The following DCAF6 variants were observed in gnomAD, a reference collection of about 807,000 sequenced individuals.
DCAF6 encodes DDB1 and CUL4 associated factor 6.
DCAF6 carries 54 observed loss-of-function variants against 125.1 expected under a neutral mutation model. The observed-to-expected ratio is 0.43, with a 90% CI of 0.35 to 0.54. The LOEUF is 0.54. Ranked by LOEUF, DCAF6 falls within the 20% of genes least tolerant of loss-of-function variation. The probability of loss-of-function intolerance (pLI) is 0.01; values close to 1 mark genes in which losing one functional copy is unlikely to be tolerated. For synonymous variants in DCAF6, 371 were observed against 390.4 expected, an observed-to-expected ratio of 0.95 and a Z score of 0.58; for missense variants, 934 against 1,161.7, an observed-to-expected ratio of 0.80 and a Z score of 2.85.
chr1:167,988,973 G>A (rs1430393615), intron 5 of DCAF6, among the ~76,000 whole-genome samples: 3 of 151,906 alleles, frequency 2.0e-5, no homozygotes, highest in African/African-American at 7.3e-5. Context: ...CCAGCTACTC[G>A]GGAGGCTGAG....
chr1:167,944,475 TTGTC>T (rs1571588994), intron 1 of DCAF6, among the ~76,000 whole-genome samples: 1 of 152,338 alleles, frequency 6.6e-6, no homozygotes, highest in South Asian at 2.1e-4. Context: ...ATAACCAACA[TTGTC>T]TGTCTTTTTA....
intron 4 of DCAF6, among the ~76,000 whole-genome samples, 155 bp from the exon 5 acceptor site, chr1:167,987,340 C>T (rs1680152231): frequency 6.6e-6 from 1 of 152,050 alleles, no homozygotes; most frequent in Non-Finnish European, 1.5e-5. Flanking sequence ...TGTATTGTAC[C>T]ATTCTGAATC....
At chr1:167,919,941 T>G in the DCAF6 span, 1 of 1,509,322 alleles carries the variant, frequency 6.6e-7, no homozygotes, top group Non-Finnish European at 9.0e-7. Flanking sequence ...TCTAAGTAGC[T>G]TTTGCAACAG....
the DCAF6 span, among the ~76,000 whole-genome samples, chr1:167,887,894 C>T: frequency 6.6e-6 from 1 of 151,868 alleles, no homozygotes; most frequent in South Asian, 2.1e-4. Flanking sequence ...AGAGTCTCCC[C>T]AATGTTTTCT....
chr1:168,061,750 T>C (rs1281129166), intron 17 of DCAF6, among the ~76,000 whole-genome samples: 2 of 152,162 alleles, frequency 1.3e-5, no homozygotes, highest in Admixed American at 1.3e-4. Flanking sequence ...ATTACTTAAT[T>C]TCTCTTCAAA....
the DCAF6 span, chr1:167,893,889 G>A: frequency 6.2e-7 from 1 of 1,613,518 alleles, no homozygotes; most frequent in Non-Finnish European, 8.5e-7. Flanking sequence ...ACTTTTGTAG[G>A]GACATCTCCA....
rs537224842 is a variant in DCAF6 at position 167,936,858 on chromosome 1, C to T, written c.-54C>T. On this transcript the variant is annotated 5_prime_UTR_variant, in exon 1 of 22. Coordinates refer to ENST00000367840, the MANE Select transcript of DCAF6 (RefSeq NM_001198956.2). ...GTGTTGAAACGGGTGTCCCCTCCCCCTCCTCCCCTCCCCCACGCGGTGGTC... is the reference window on the plus strand; with the variant it reads ...GTGTTGAAACGGGTGTCCCCTCCCCTTCCTCCCCTCCCCCACGCGGTGGTC... 269 of 1,428,748 alleles carry T rather than the reference C, an allele frequency of 1.9e-4. No homozygotes were observed. The highest frequency in any genetic ancestry group is 5.6e-5 in the Non-Finnish European group (58 of 1,038,596). 88.5% of individuals were successfully genotyped at this position (1,428,748 alleles called of 1,614,324 possible).
At chr1:168,053,443 T>G (rs931050326) in intron 17 of DCAF6, among the ~76,000 whole-genome samples, 3 of 152,180 alleles carry the variant, frequency 2.0e-5, no homozygotes, top group Non-Finnish European at 4.4e-5. Context: ...AATTACTGTT[T>G]CAGGGGTCCC....
intron 2 of DCAF6, among the ~76,000 whole-genome samples, chr1:167,956,064 C>T (rs1208385590): frequency 6.6e-6 from 1 of 152,190 alleles, no homozygotes; most frequent in Non-Finnish European, 1.5e-5. Flanking sequence ...CTGTGCTTAG[C>T]TAAGAACATT....
Position 168,003,977 on chromosome 1 carries a change from T to G in DCAF6, c.1105T>G (p.Ser369Ala), listed in dbSNP as rs759114970. 6.2e-7 allele frequency: 1 copy of G among 1,612,050 alleles called. No individual in the cohort carries two copies. Among genetic ancestry groups the G allele is most frequent in the East Asian group, 2.2e-5 (1 of 44,802 alleles). ...ACAAAGCAATAGAGGACGAGGAAGA[T>G]CTCGACCCAGAGGTAATTTTTAATG... The part of the protein sequence containing the change: ...VAQSNRGRGR[S>A]RPRGGTSQSD... The change falls in exon 9 of 22, where the codon TCT (serine) becomes GCT (alanine). Residue 369 changes from serine (S) to alanine (A), a missense_variant. By Grantham distance (99) the Ser-to-Ala change is moderately conservative (BLOSUM62 1). Around this residue, in one of 5 missense-constraint regions of DCAF6, gnomAD observed 559 missense variants for 635.5 expected, o/e 0.88. Coordinates refer to ENST00000367840, the MANE Select transcript of DCAF6 (RefSeq NM_001198956.2).
upstream of DCAF6, chr1:167,935,672 G>T (rs964580115): frequency 1.4e-6 from 2 of 1,403,660 alleles, no homozygotes; most frequent in African/African-American, 2.9e-5. Flanking sequence ...GCCTCTAAAA[G>T]GTCCATTTTA....
At chr1:167,896,519 G>T in the DCAF6 span, 3 of 1,180,988 alleles carry the variant, frequency 2.5e-6, no homozygotes, top group Non-Finnish European at 2.5e-6. Flanking sequence ...CACCAGTAAT[G>T]AAGCTGTCGG....
rs542582047 is a variant in DCAF6 at position 168,060,655 on chromosome 1, G to C, written c.2301-2966G>C. 2.0e-5 allele frequency among the ~76,000 whole-genome samples: 3 copies of C among 152,304 alleles called. No homozygotes were observed. In the South Asian group the frequency reaches 6.2e-4, roughly 32 times the overall value. On this transcript the variant is annotated intron_variant, in intron 17 of 21. Coordinates refer to ENST00000367840, the MANE Select transcript of DCAF6 (RefSeq NM_001198956.2). The stretch of plus-strand genomic sequence containing the variant: ...GCCTGTAATCCCAGCACTTTGGGAA[G>C]CTGAGGTGGGTGGATCACTTGAGGT...
chr1:167,987,384 A>G (rs1362019481), intron 4 of DCAF6, 111 bp from the exon 5 acceptor site: 1 of 580,488 alleles, frequency 1.7e-6, no homozygotes, highest in Non-Finnish European at 3.1e-6. Flanking sequence ...ACTAAAATGC[A>G]TGGTTTTTGT....
rs1172590549 is a variant in DCAF6 at position 168,004,515 on chromosome 1, T to G, written c.1118-18T>G. ...AAAATATTTAAAATTTGAATTTGCC[T>G]TAACATGTGTTTTGAAGGTGGAACA... On this transcript the variant is annotated intron_variant, in intron 9 of 21. Transcript: ENST00000367840. The G allele has an allele frequency of 6.2e-7, 1 of 1,610,502 alleles. No individual in the cohort carries two copies. The highest frequency in any genetic ancestry group is 8.5e-7 in the Non-Finnish European group (1 of 1,177,614).
intron 21 of DCAF6, 87 bp downstream of exon 21, chr1:168,068,550 T>A (rs1692633589): frequency 1.6e-6 from 1 of 621,634 alleles, no homozygotes; most frequent in African/African-American, 1.9e-5. Context: ...GGTTTATATA[T>A]ATTTTTTAAT....
intron 3 of DCAF6, among the ~76,000 whole-genome samples, chr1:167,966,998 A>AT (rs1317705923): frequency 2.6e-5 from 4 of 152,206 alleles, no homozygotes; most frequent in South Asian, 4.1e-4. Context: ...TTTCAATAAC[A>AT]TTTTTTGGGG....
chr1:168,073,406 A>G (rs764741603), intron 21 of DCAF6, among the ~76,000 whole-genome samples: 1 of 152,230 alleles, frequency 6.6e-6, no homozygotes, highest in African/African-American at 2.4e-5. Flanking sequence ...GTGACTATGC[A>G]TCAGTTAAAT....
At chr1:168,069,260 C>T (rs184849034) in intron 21 of DCAF6, among the ~76,000 whole-genome samples, 60 of 152,264 alleles carry the variant, frequency 3.9e-4, no homozygotes, top group African/African-American at 1.1e-3. Flanking sequence ...TCCCCTTTGA[C>T]CTATAAATTT....
Sources: allele counts gnomAD v4.1 joint callset (sites outside exome capture counted in the v4.1 genomes callset), GRCh38; gene constraint gnomAD v4.1.1; regional missense constraint gnomAD v4.1.1; transcripts MANE v1.5; gene names NCBI Gene and HGNC (gene_info 2026-07-23, HGNC 2026-07-21).